The following MOB3B variants were observed in gnomAD, a reference collection of about 807,000 sequenced individuals.
MOB3B encodes the protein MOB kinase activator 3B, also known as MOB kinase activator-like 2B.
Under a neutral mutation model 18.7 loss-of-function variants are expected in MOB3B, and 7 were observed. The ratio of observed to expected loss-of-function variants is 0.37; its 90% CI spans 0.21 to 0.70. The LOEUF is 0.70. Among genes scored for constraint, MOB3B ranks in the 30% least tolerant of loss-of-function variants. The pLI is 0.52. For synonymous variants in MOB3B, 111 were observed against 99.9 expected, an observed-to-expected ratio of 1.11 and a Z score of -0.66; for missense variants, 253 against 281.3, an observed-to-expected ratio of 0.90 and a Z score of 0.72.
At chr9:27,336,690 G>A (rs536042849) in intron 3 of MOB3B, among the ~76,000 whole-genome samples, 1 of 152,138 alleles carries the variant, frequency 6.6e-6, no homozygotes, top group South Asian at 2.1e-4. Context: ...TAAAGCCGTT[G>A]GATGTTTAAT....
chr9:27,339,921 T>C (rs1820916156), intron 3 of MOB3B, among the ~76,000 whole-genome samples: 2 of 152,248 alleles, frequency 1.3e-5, no homozygotes, highest in Admixed American at 1.3e-4. Flanking sequence ...AAGTCTGAAT[T>C]CTTATAAAGC....
chr9:27,377,479 G>A (rs1821505971), intron 2 of MOB3B, among the ~76,000 whole-genome samples: 1 of 152,108 alleles, frequency 6.6e-6, no homozygotes, highest in Admixed American at 6.5e-5. Context: ...GGAGAAGGGA[G>A]GGGACCACCC....
At chr9:27,528,115 C>G (rs1301014822) in intron 1 of MOB3B, among the ~76,000 whole-genome samples, 1 of 152,202 alleles carries the variant, frequency 6.6e-6, no homozygotes, top group Non-Finnish European at 1.5e-5. Context: ...CAGAACTCCA[C>G]GTTCATTCCG....
intron 2 of MOB3B, among the ~76,000 whole-genome samples, chr9:27,443,711 G>A (rs957464322): frequency 6.6e-6 from 1 of 152,122 alleles, no homozygotes. Context: ...TTGCCCCAAG[G>A]GCTGGGCACT....
rs117814407 is a variant in MOB3B at position 27,456,166 on chromosome 9, A to T, written c.-198-418T>A. 4.3e-4 allele frequency among the ~76,000 whole-genome samples: 65 copies of T among 152,278 alleles called. No individual in the cohort carries two copies. In the East Asian group the frequency reaches 0.01, roughly 24 times the overall value. On this transcript the variant is annotated intron_variant, in intron 1 of 3. Transcript: ENST00000262244. The stretch of plus-strand genomic sequence containing the variant: ...CATCCTTCTAGATACAGATGATGGA[A>T]AAGGGGTGGCTATCACACCAAGCTG...
chr9:27,422,757 T>A (rs1822273805), intron 2 of MOB3B, among the ~76,000 whole-genome samples: 1 of 152,240 alleles, frequency 6.6e-6, no homozygotes, highest in Non-Finnish European at 1.5e-5. Context: ...ACTTTGCTTG[T>A]AAATTCCAGT....
intron 3 of MOB3B, among the ~76,000 whole-genome samples, chr9:27,336,328 T>TA (rs1247948623): frequency 6.8e-6 from 1 of 146,514 alleles, no homozygotes; most frequent in Non-Finnish European, 1.5e-5. Context: ...GTAAAATGGA[T>TA]AAGGGGGGGG....
intron 1 of MOB3B, among the ~76,000 whole-genome samples, chr9:27,518,423 G>A (rs1380529939): frequency 6.6e-6 from 1 of 152,192 alleles, no homozygotes; most frequent in Non-Finnish European, 1.5e-5. Context: ...ATCCTCAGAA[G>A]TAAAAGCCCC....
chr9:27,387,681 G>C (rs550644463), intron 2 of MOB3B, among the ~76,000 whole-genome samples: 20 of 152,190 alleles, frequency 1.3e-4, no homozygotes, highest in African/African-American at 4.8e-4. Flanking sequence ...ACACTGATGG[G>C]AATATTTTAA....
rs535237644 is a variant in MOB3B, at chr9:27,398,264, A to G, written c.419-39028T>C. Among the ~76,000 whole-genome samples, 9 of 152,340 alleles carry G rather than the reference A, an allele frequency of 5.9e-5. 1 individual carries two copies. In the South Asian group the frequency reaches 1.9e-3, roughly 32 times the overall value. On this transcript the variant is annotated intron_variant, in intron 2 of 3. Transcript: ENST00000262244. ...TCCCAATCTGGGCAGAAGGATCGTC[A>G]TCTCACTTACTGCCTTCTTCCCTTC...
In MOB3B at chr9:27,442,637, C is replaced by A. The variant is rs535792502; in HGVS notation, c.418+12496G>T. ...GGCTCCAAGGGACCTCCCCTCTTTG[C>A]CCCTGGCTCCTGAGCCCTGGTAACA... On this transcript the variant is annotated intron_variant, in intron 2 of 3. Transcript: ENST00000262244. 1.9e-4 allele frequency among the ~76,000 whole-genome samples: 29 copies of A among 152,302 alleles called. No individual in the cohort carries two copies. In the South Asian group the frequency reaches 5.6e-3, roughly 29 times the overall value.
intron 2 of MOB3B, among the ~76,000 whole-genome samples, chr9:27,410,033 T>A (rs1288575650): frequency 6.6e-6 from 1 of 152,222 alleles, no homozygotes; most frequent in Non-Finnish European, 1.5e-5. Context: ...ACTGTGAATG[T>A]GTTTAATGCC....
chr9:27,470,271 C>T (rs1375201872), intron 1 of MOB3B, among the ~76,000 whole-genome samples: 1 of 151,958 alleles, frequency 6.6e-6, no homozygotes, highest in East Asian at 1.9e-4. Context: ...TTTATGCAGG[C>T]CCTCAATTTT....
intron 3 of MOB3B, among the ~76,000 whole-genome samples, chr9:27,335,725 C>T (rs1292929689): frequency 6.6e-6 from 1 of 152,180 alleles, no homozygotes; most frequent in East Asian, 1.9e-4. Context: ...CTTTAACGCT[C>T]TTGACCAGTT....
At chr9:27,471,561 C>A (rs1819471595) in intron 1 of MOB3B, among the ~76,000 whole-genome samples, 1 of 152,148 alleles carries the variant, frequency 6.6e-6, no homozygotes, top group Non-Finnish European at 1.5e-5. Context: ...GGCTCTGGAG[C>A]TTACTATATC....
chr9:27,335,344 T>C (rs932208698), intron 3 of MOB3B, among the ~76,000 whole-genome samples: 6 of 152,150 alleles, frequency 3.9e-5, no homozygotes, highest in Admixed American at 6.5e-5. Flanking sequence ...CATCGGAAAG[T>C]AAGTGACTTC....
At chr9:27,354,066 A>G (rs898989358) in intron 3 of MOB3B, among the ~76,000 whole-genome samples, 3 of 152,236 alleles carry the variant, frequency 2.0e-5, no homozygotes, top group Admixed American at 6.5e-5. Flanking sequence ...GCTGGAGACC[A>G]AGTGAAATGG....
chr9:27,338,862 C>A (rs929275172), intron 3 of MOB3B, among the ~76,000 whole-genome samples: 6 of 152,216 alleles, frequency 3.9e-5, no homozygotes, highest in Admixed American at 1.3e-4. Flanking sequence ...AGGGGAAGGA[C>A]CCCTCCCACC....
intron 2 of MOB3B, among the ~76,000 whole-genome samples, chr9:27,404,125 T>C (rs957427419): frequency 1.3e-5 from 2 of 152,008 alleles, no homozygotes; most frequent in Non-Finnish European, 2.9e-5. Flanking sequence ...CATCATTCTA[T>C]TCTCTATCTC....
Sources: allele counts gnomAD v4.1 joint callset (sites outside exome capture counted in the v4.1 genomes callset), GRCh38; gene constraint gnomAD v4.1.1; transcripts MANE v1.5; gene names NCBI Gene and HGNC (gene_info 2026-07-23, HGNC 2026-07-21).